The following ACYP2 variants were observed in gnomAD, a reference collection of about 807,000 sequenced individuals.
ACYP2 encodes the protein acylphosphatase-2.
Under a neutral mutation model 11.2 loss-of-function variants are expected in ACYP2, and 12 were observed. That is an observed-to-expected ratio of 1.08 (90% confidence interval 0.69 to 1.74). The LOEUF is 1.74. Among genes scored for constraint, ACYP2 ranks in the 40% most tolerant of loss-of-function variants. ACYP2 has a pLI of 0.00. For missense variants in ACYP2, 134 were observed against 101.9 expected (o/e 1.31, Z -1.35); for synonymous variants, 43 against 32.2 (o/e 1.33, Z -1.13).
chr2:53,976,149 A>G (rs1261567352), intron 2 of ACYP2, among the ~76,000 whole-genome samples: 2 of 152,228 alleles, frequency 1.3e-5, no homozygotes, highest in East Asian at 1.9e-4. Flanking sequence ...CTCTGTATAT[A>G]TGATATACTT....
intron 4 of ACYP2, among the ~76,000 whole-genome samples, chr2:54,065,079 A>G (rs55940845): frequency 0.39 from 57,299 of 148,066 alleles, 11,588 homozygotes; most frequent in East Asian, 0.73. Context: ...GTGAGACTCC[A>G]TCTCTAAATA....
chr2:54,240,032 A>C (rs1462704122), intron 6 of ACYP2, among the ~76,000 whole-genome samples: 2 of 152,214 alleles, frequency 1.3e-5, no homozygotes, highest in Non-Finnish European at 2.9e-5. Context: ...TCCATGGTCC[A>C]GGGGATTAGA....
At chr2:54,005,862 A>G (rs1399375277) in intron 2 of ACYP2, among the ~76,000 whole-genome samples, 1 of 152,222 alleles carries the variant, frequency 6.6e-6, no homozygotes, top group Non-Finnish European at 1.5e-5. Context: ...AAATCACCAA[A>G]TAACTTGCTA....
intron 2 of ACYP2, among the ~76,000 whole-genome samples, chr2:54,049,666 C>A (rs768148599): frequency 1.3e-5 from 2 of 152,168 alleles, no homozygotes; most frequent in African/African-American, 2.4e-5. Context: ...CTTACTCCCC[C>A]CAAACAACTA....
chr2:54,034,266 G>C (rs545771239), intron 2 of ACYP2, among the ~76,000 whole-genome samples: 2 of 152,328 alleles, frequency 1.3e-5, no homozygotes, highest in Admixed American at 1.3e-4. Flanking sequence ...GCTGAGGCAG[G>C]AGAATTGCTT....
intron 6 of ACYP2, among the ~76,000 whole-genome samples, chr2:54,252,260 G>A (rs1687260732): frequency 6.6e-6 from 1 of 152,028 alleles, no homozygotes; most frequent in African/African-American, 2.4e-5. Context: ...TTTCTTAATA[G>A]TATACCATTG....
chr2:54,201,632 C>CTT lies in ACYP2; in HGVS notation c.404+62886_404+62887dup, dbSNP rs1190292116. Reference sequence around the variant, plus strand: ...TCTTTCTTTCTTTCTTTGTTTCTTTCTTTCTCTTTCTTTCTTTCTTTCTTT... The same window carrying CTT: ...TCTTTCTTTCTTTCTTTGTTTCTTTCTTTTTCTCTTTCTTTCTTTCTTTCTTT... On this transcript the variant is annotated intron_variant, in intron 6 of 6. Coordinates refer to ENST00000607452, the MANE Select transcript of ACYP2 (RefSeq NM_001320586.2). Among the ~76,000 whole-genome samples, 357 of 74,340 alleles carry CTT rather than the reference C, an allele frequency of 4.8e-3. 12 individuals carry two copies. Among genetic ancestry groups the CTT allele is most frequent in the East Asian group, 0.018 (36 of 2,008 alleles). The allele number at this position is 74,340 out of a possible 152,430, so 48.8% of individuals were successfully genotyped here.
intron 4 of ACYP2, among the ~76,000 whole-genome samples, chr2:54,120,756 A>G (rs935459353): frequency 2.0e-5 from 3 of 152,124 alleles, no homozygotes; most frequent in African/African-American, 7.2e-5. Context: ...CAGCTGGTCC[A>G]GGGGTGCCGT....
intron 6 of ACYP2, among the ~76,000 whole-genome samples, chr2:54,240,948 A>G (rs1169570780): frequency 6.6e-6 from 1 of 152,210 alleles, no homozygotes; most frequent in Non-Finnish European, 1.5e-5. Flanking sequence ...GTCTGTTCTC[A>G]TTGAGGTAAT....
In ACYP2 at chr2:54,029,770, A is replaced by C. The variant is rs560816073; in HGVS notation, c.63-21188A>C. 21 of 594,134 alleles carry C rather than the reference A, an allele frequency of 3.5e-5. No homozygotes were observed. The African/African-American group carries it at 3.7e-4, about 11-fold the overall frequency. 36.8% of individuals were successfully genotyped at this position (594,134 alleles called of 1,614,324 possible). A position where few individuals can be genotyped will look rare whatever the true frequency, so the allele number is the denominator to read the frequency against. Reference sequence around the variant, plus strand: ...CCAACAGCATGCTGGGGAACATTGTAGGCTCTTCCAGTTTAGCCATGGTGA... The same window carrying C: ...CCAACAGCATGCTGGGGAACATTGTCGGCTCTTCCAGTTTAGCCATGGTGA... On this transcript the variant is annotated intron_variant, in intron 2 of 6. Transcript: ENST00000607452.
chr2:54,026,869 G>C (rs538703842), intron 2 of ACYP2, among the ~76,000 whole-genome samples: 2 of 147,740 alleles, frequency 1.4e-5, no homozygotes, highest in African/African-American at 2.5e-5. Context: ...GGATGCAAAG[G>C]CATAAGAATG....
chr2:54,090,822 A>C (rs998062652), intron 4 of ACYP2, among the ~76,000 whole-genome samples: 1 of 152,154 alleles, frequency 6.6e-6, no homozygotes, highest in Non-Finnish European at 1.5e-5. Context: ...GGGCCACTCC[A>C]TGCACGGGAC....
At chr2:54,190,495 A>G (rs1047594235) in intron 6 of ACYP2, among the ~76,000 whole-genome samples, 27 of 151,784 alleles carry the variant, frequency 1.8e-4, no homozygotes, top group African/African-American at 6.5e-4. Context: ...CCAGTGGCCA[A>G]TTATCTGTCT....
intron 2 of ACYP2, among the ~76,000 whole-genome samples, chr2:53,990,785 GTTT>G (rs1221080011): frequency 6.8e-6 from 1 of 147,582 alleles, no homozygotes; most frequent in African/African-American, 2.5e-5. Context: ...AAGAATTTGC[GTTT>G]TTTTTTTGTT....
intron 2 of ACYP2, among the ~76,000 whole-genome samples, chr2:54,017,845 C>A (rs994445445): frequency 1.3e-5 from 2 of 151,844 alleles, no homozygotes; most frequent in African/African-American, 2.4e-5. Context: ...TATCAGTGAG[C>A]GTGTGTTACT....
At chr2:54,122,003 C>T (rs1301848136) in intron 4 of ACYP2, among the ~76,000 whole-genome samples, 2 of 152,102 alleles carry the variant, frequency 1.3e-5, no homozygotes, top group African/African-American at 2.4e-5. Context: ...GTGTATGGCT[C>T]CAGGGAACAG....
rs1671842655 is a variant in ACYP2, at chr2:53,982,876, TATA to T, written c.62+9068_62+9070del. Among the ~76,000 whole-genome samples, 3 of 123,792 alleles carry T rather than the reference TATA, an allele frequency of 2.4e-5. No individual in the cohort carries two copies. In the East Asian group the frequency reaches 6.3e-4, roughly 26 times the overall value. The allele number at this position is 123,792 out of a possible 152,430, so 81.2% of individuals were successfully genotyped here. A position where few individuals can be genotyped will look rare whatever the true frequency, so the allele number is the denominator to read the frequency against. ...TGTGTGTGTGTGTGTGTGTGTGTGA[TATA>T]AATAGGTTCAGGGAGAACCAGGGAT... On this transcript the variant is annotated intron_variant, in intron 2 of 6. Coordinates refer to ENST00000607452, the MANE Select transcript of ACYP2 (RefSeq NM_001320586.2).
intron 6 of ACYP2, among the ~76,000 whole-genome samples, chr2:54,257,821 A>C (rs1402106383): frequency 6.6e-6 from 1 of 152,226 alleles, no homozygotes; most frequent in Non-Finnish European, 1.5e-5. Context: ...ACTTATCAAC[A>C]CGGACTGAAA....
chr2:54,019,836 T>C (rs1374177157), intron 2 of ACYP2, among the ~76,000 whole-genome samples: 1 of 151,522 alleles, frequency 6.6e-6, no homozygotes, highest in Non-Finnish European at 1.5e-5. Flanking sequence ...ATCAGGTTGG[T>C]CTCGAACTCC....
Sources: allele counts gnomAD v4.1 joint callset (sites outside exome capture counted in the v4.1 genomes callset), GRCh38; gene constraint gnomAD v4.1.1; transcripts MANE v1.5; gene names NCBI Gene and HGNC (gene_info 2026-07-23, HGNC 2026-07-21).